Variants in AQP3 observed in about 807,000 individuals in gnomAD.
AQP3 encodes the protein aquaporin 3 (Gill blood group), also known as aquaporin-3.
Under a neutral mutation model 30.3 loss-of-function variants are expected in AQP3, and 15 were observed. The ratio of observed to expected loss-of-function variants is 0.49; its 90% confidence interval spans 0.33 to 0.76. AQP3 has a LOEUF of 0.76. AQP3 is among the 30% of genes least tolerant of loss of function. The pLI, the probability that AQP3 is intolerant of heterozygous loss-of-function variation, is 0.02. For missense variants in AQP3, 272 were observed against 384.8 expected (o/e 0.71, Z 2.45); for synonymous variants, 153 against 163.2 (o/e 0.94, Z 0.47).
Position 33,443,321 on chromosome 9 carries a change from C to T in AQP3, c.373G>A (p.Asp125Asn). Reference sequence around the variant, plus strand: ...GGAGGACAGGGTGGGGAATGCTTACCATAATACAGCCCAAAAACTATTCCA... The same window carrying T: ...GGAGGACAGGGTGGGGAATGCTTACTATAATACAGCCCAAAAACTATTCCA... ...GAGIVFGLYY[D>N]AIWHFADNQL... is the part of the protein sequence containing the mutation. The change falls in exon 3 of 6, where the codon GAT becomes AAT. Residue 125 changes from aspartate (D) to asparagine (N), a missense_variant and splice_region_variant. Coordinates refer to ENST00000297991, the MANE Select transcript of AQP3 (RefSeq NM_004925.5). The surrounding 1 kb of genome is among the most constrained non-coding windows in gnomAD (Gnocchi z 5.0). 6.3e-7 allele frequency: 1 copy of T among 1,578,876 alleles called. No homozygotes were observed. The highest frequency in any genetic ancestry group is 1.8e-5 in the Admixed American group (1 of 54,630).
chr9:33,442,629 G>A, intron 4 of AQP3, 111 bp from the exon 5 acceptor site: 2 of 1,227,634 alleles, frequency 1.6e-6, no homozygotes, highest in South Asian at 1.3e-5. Flanking sequence ...GCCCGCCCAT[G>A]CTCTTCTCCT....
rs759206638 is a variant in AQP3 at position 33,442,143 on chromosome 9, A to C, written c.779T>G (p.Val260Gly). The C allele has an allele frequency of 6.2e-7, 1 of 1,613,452 alleles. No homozygotes were observed. The highest frequency in any genetic ancestry group is 1.1e-5 in the South Asian group (1 of 91,076). The change falls in exon 6 of 6, where the codon GTG (valine) becomes GGG (glycine). Residue 260 changes from valine to glycine, a missense_variant. Val to Gly is a moderately radical substitution (Grantham distance 109). Around this residue, in one of 3 missense-constraint regions of AQP3, gnomAD observed 51 missense variants for 51.8 expected, o/e 0.98. Transcript: ENST00000297991. The part of the protein sequence containing the change: ...PLLGSIAGVF[V>G]YQLMIGCHLE... The stretch of plus-strand genomic sequence containing the variant: ...GTGGCAGCCGATCATCAGCTGGTAC[A>C]CGAAGACACCCGCAATGGAGCCCAG...
In AQP3 at chr9:33,443,237, GTC is replaced by G. The variant is rs1313318711; in HGVS notation, c.373+82_373+83del. On this transcript the variant is annotated intron_variant, in intron 3 of 5. Transcript: ENST00000297991. This position sits in a 1 kb window ranked among gnomAD's most constrained non-coding sequence, Gnocchi z 5.0. ...CCCGGGGCCTGGGCAGGTCCTAGCC[GTC>G]TGTCATCAAAAGGCCTGGTGCCAGC... is the stretch of plus-strand genomic sequence containing the variant. 6.5e-7 allele frequency: 1 copy of G among 1,530,838 alleles called. No individual in the cohort carries two copies. Among genetic ancestry groups the G allele is most frequent in the African/African-American group, 1.4e-5 (1 of 72,586 alleles). 94.8% of individuals were successfully genotyped at this position (1,530,838 alleles called of 1,614,324 possible). A position where few individuals can be genotyped will look rare whatever the true frequency, so the allele number is the denominator to read the frequency against.
At chr9:33,444,643 G>C (rs1826890218) in intron 1 of AQP3, among the ~76,000 whole-genome samples, 2 of 151,866 alleles carry the variant, frequency 1.3e-5, no homozygotes, top group Non-Finnish European at 2.9e-5. Context: ...TCATGTGGTG[G>C]TGGTAGTGGT....
In AQP3 at chr9:33,443,050, C is replaced by T. The variant is rs1826863670; in HGVS notation, c.374-80G>A. On this transcript the variant is annotated intron_variant, in intron 3 of 5. Transcript: ENST00000297991. This position sits in a 1 kb window ranked among gnomAD's most constrained non-coding sequence, Gnocchi z 5.0. ...CCCTCTCAGGTGTGCCCTCCCCACC[C>T]TCCCATGAGTTATGGGTAAGTAGCA... 9 of 1,372,716 alleles carry T rather than the reference C, an allele frequency of 6.6e-6. No homozygotes were observed. Among genetic ancestry groups the T allele is most frequent in the Middle Eastern group, 2.2e-4 (1 of 4,620 alleles). 85.0% of individuals were successfully genotyped at this position (1,372,716 alleles called of 1,614,324 possible). A position where few individuals can be genotyped will look rare whatever the true frequency, so the allele number is the denominator to read the frequency against.
At chr9:33,447,354 C>T (rs1563868980) in intron 1 of AQP3, 69 bp downstream of exon 1, 1 of 1,356,900 alleles carries the variant, frequency 7.4e-7, no homozygotes, top group Middle Eastern at 1.8e-4. Context: ...ACAGCCCCTT[C>T]GGGGAAGTGA....
rs746897748 is a variant in AQP3 at position 33,442,130 on chromosome 9, C to A, written c.792G>T (p.Met264Ile). The change falls in exon 6 of 6, where the codon ATG (methionine) becomes ATT (isoleucine). Residue 264 changes from methionine (M) to isoleucine (I), a missense_variant. By Grantham distance (10) the Met-to-Ile change is conservative (BLOSUM62 1). Transcript: ENST00000297991. ...SIAGVFVYQL[M>I]IGCHLEQPPP... ...GGGGCTGCTCCAGGTGGCAGCCGATCATCAGCTGGTACACGAAGACACCCG... is the reference window on the plus strand; with the variant it reads ...GGGGCTGCTCCAGGTGGCAGCCGATAATCAGCTGGTACACGAAGACACCCG... The A allele has an allele frequency of 1.2e-6, 2 of 1,613,628 alleles. No individual in the cohort carries two copies. The highest frequency in any genetic ancestry group is 8.5e-7 in the Non-Finnish European group (1 of 1,180,028).
At chr9:33,442,816 C>G (rs770467107) in intron 4 of AQP3, 36 bp downstream of exon 4, 2 of 1,593,326 alleles carry the variant, frequency 1.3e-6, no homozygotes, top group South Asian at 2.2e-5. Flanking sequence ...ACTCGGTCCC[C>G]TCCCTGCGTT....
intron 1 of AQP3, among the ~76,000 whole-genome samples, chr9:33,444,548 C>T (rs1826888209): frequency 6.7e-6 from 1 of 148,498 alleles, no homozygotes; most frequent in Admixed American, 6.7e-5. Flanking sequence ...TGCAGTGAGC[C>T]AAGATTGCGC....
In AQP3 at chr9:33,441,702, G is replaced by GA. The variant is rs1214539459; in HGVS notation, c.*340dup. The GA allele has an allele frequency of 4.3e-5, 17 of 391,108 alleles. No individual in the cohort carries two copies. In the African/African-American group the frequency reaches 5.4e-4, roughly 12 times the overall value. The allele number at this position is 391,108 out of a possible 1,614,324, so 24.2% of individuals were successfully genotyped here. ...CTGGTCCCTTGCCCTGAATATCTGG[G>GA]AACCCCCCCCACACACACACACCCC... On this transcript the variant is annotated 3_prime_UTR_variant, in exon 6 of 6. Transcript: ENST00000297991.
chr9:33,441,759 G>GCACACACA lies in AQP3; in HGVS notation c.*276_*283dup, dbSNP rs1362184555. 1.3e-5 allele frequency: 7 copies of GCACACACA among 554,708 alleles called. No homozygotes were observed. The highest frequency in any genetic ancestry group is 1.9e-5 in the Non-Finnish European group (6 of 317,966). The allele number at this position is 554,708 out of a possible 1,614,324, so 34.4% of individuals were successfully genotyped here. A position where few individuals can be genotyped will look rare whatever the true frequency, so the allele number is the denominator to read the frequency against. On this transcript the variant is annotated 3_prime_UTR_variant, in exon 6 of 6. Transcript: ENST00000297991. ...CACATGCACACACATGCACACACATGCACACACACACATACCTGCTGCCCA... is the reference window on the plus strand; with the variant it reads ...CACATGCACACACATGCACACACATGCACACACACACACACACACATACCTGCTGCCCA...
At chr9:33,445,272 T>C (rs1223322169) in intron 1 of AQP3, among the ~76,000 whole-genome samples, 1 of 152,154 alleles carries the variant, frequency 6.6e-6, no homozygotes, top group African/African-American at 2.4e-5. Flanking sequence ...CCTGGTCTCC[T>C]CTCCCACCTG....
At position 33,443,661 on chromosome 9, in the gene AQP3, G is replaced by C; in HGVS notation, c.235+105C>G. The C allele has an allele frequency of 6.4e-7, 1 of 1,566,470 alleles. No homozygotes were observed. Among genetic ancestry groups the C allele is most frequent in the Non-Finnish European group, 8.8e-7 (1 of 1,142,544 alleles). ...TTCTTCTCCACCCTCCTTTCCCAAG[G>C]GGCCAAAGCAGAGGCCACAGCTGTG... On this transcript the variant is annotated intron_variant, in intron 2 of 5. Coordinates refer to ENST00000297991, the MANE Select transcript of AQP3 (RefSeq NM_004925.5). This position sits in a 1 kb window ranked among gnomAD's most constrained non-coding sequence, Gnocchi z 5.0.
At chr9:33,447,361 G>T (rs1743026232) in intron 1 of AQP3, 62 bp downstream of exon 1, 6 of 1,406,416 alleles carry the variant, frequency 4.3e-6, no homozygotes, top group Non-Finnish European at 3.9e-6. Context: ...CTTCGGGGAA[G>T]TGAGAGTTTG....
Position 33,443,535 on chromosome 9 carries a change from CAG to C in AQP3, c.236-79_236-78del. 6.4e-7 allele frequency: 1 copy of C among 1,553,656 alleles called. No homozygotes were observed. Among genetic ancestry groups the C allele is most frequent in the Non-Finnish European group, 8.7e-7 (1 of 1,143,634 alleles). Reference sequence around the variant, plus strand: ...GGCTAGGGTCCCCTGAGAAGGGGTGCAGAGAGGGGTTTCTTGCACAGGATGGC... The same window carrying C: ...GGCTAGGGTCCCCTGAGAAGGGGTGCAGAGGGGTTTCTTGCACAGGATGGC... On this transcript the variant is annotated intron_variant, in intron 2 of 5. Coordinates refer to ENST00000297991, the MANE Select transcript of AQP3 (RefSeq NM_004925.5). This position sits in a 1 kb window ranked among gnomAD's most constrained non-coding sequence, Gnocchi z 5.0.
intron 4 of AQP3, 115 bp from the exon 5 acceptor site, chr9:33,442,633 T>G (rs34927064): frequency 1.6e-6 from 2 of 1,218,474 alleles, no homozygotes; most frequent in African/African-American, 1.5e-5. Flanking sequence ...GCCCATGCTC[T>G]TCTCCTGAAA....
At chr9:33,442,255 C>T (rs1826847221) in intron 5 of AQP3, 44 bp from the exon 6 acceptor site, 1 of 1,611,478 alleles carries the variant, frequency 6.2e-7, no homozygotes, top group Non-Finnish European at 8.5e-7. Context: ...GGGGGCAGGG[C>T]AGAGGAGAGG....
chr9:33,443,675 G>T lies in AQP3; in HGVS notation c.235+91C>A. On this transcript the variant is annotated intron_variant, in intron 2 of 5. Coordinates refer to ENST00000297991, the MANE Select transcript of AQP3 (RefSeq NM_004925.5). The surrounding 1 kb of genome is among the most constrained non-coding windows in gnomAD (Gnocchi z 5.0). Reference sequence around the variant, plus strand: ...CCTTTCCCAAGGGGCCAAAGCAGAGGCCACAGCTGTGACCTGCCCTTAGGA... The same window carrying T: ...CCTTTCCCAAGGGGCCAAAGCAGAGTCCACAGCTGTGACCTGCCCTTAGGA... The T allele has an allele frequency of 6.3e-7, 1 of 1,593,028 alleles. No individual in the cohort carries two copies. Among genetic ancestry groups the T allele is most frequent in the Admixed American group, 1.7e-5 (1 of 59,736 alleles).
chr9:33,441,707 C>A lies in AQP3; in HGVS notation c.*336G>T, dbSNP rs1275563996. Reference sequence around the variant, plus strand: ...CCCTTGCCCTGAATATCTGGGAACCCCCCCCACACACACACACCCCTGCAC... The same window carrying A: ...CCCTTGCCCTGAATATCTGGGAACCACCCCCACACACACACACCCCTGCAC... On this transcript the variant is annotated 3_prime_UTR_variant, in exon 6 of 6. Transcript: ENST00000297991. 5 of 415,158 alleles carry A rather than the reference C, an allele frequency of 1.2e-5. No homozygotes were observed. Among genetic ancestry groups the A allele is most frequent in the East Asian group, 3.5e-5 (1 of 28,698 alleles). The allele number at this position is 415,158 out of a possible 1,614,324, so 25.7% of individuals were successfully genotyped here.
Sources: gnomAD v4.1 joint callset for allele counts (sites outside exome capture counted in the v4.1 genomes callset) on GRCh38, gnomAD v4.1.1 for gene constraint, gnomAD v4.1.1 regional missense constraint, Gnocchi (gnomAD v3.1) non-coding constraint, MANE v1.5 for transcripts, NCBI Gene and HGNC (gene_info 2026-07-23, HGNC 2026-07-21) for gene names.